Variants in MUC4 observed in about 807,000 individuals in gnomAD.
MUC4 encodes mucin-4.
MUC4 carries 202 observed loss-of-function variants against 257.9 expected under a neutral mutation model. That is an observed-to-expected ratio of 0.78 (90% CI 0.70 to 0.88). The LOEUF is 0.88. Among genes scored for constraint, MUC4 ranks in the 40% least tolerant of loss-of-function variants. MUC4 has a pLI of 0.00. For synonymous variants in MUC4, 2,351 were observed against 2,757.1 expected (o/e 0.85, Z 4.62); for missense variants, 5,976 against 6,513.7 (o/e 0.92, Z 2.84).
At chr3:195,775,993 A>G (rs368590007) in intron 3 of MUC4, among the ~76,000 whole-genome samples, 37 of 41,534 alleles carry the variant, frequency 8.9e-4, no homozygotes, top group East Asian at 4.9e-3. Context: ...TACCTTCCAC[A>G]GTCATACCTT....
At chr3:195,771,076 C>T (rs1722744296) in intron 5 of MUC4, among the ~76,000 whole-genome samples, 5 of 139,696 alleles carry the variant, frequency 3.6e-5, no homozygotes, top group East Asian at 2.4e-4. Context: ...TGGTCAGTCT[C>T]GTGGCCGGGT....
rs146924741 is a variant in MUC4, at chr3:195,750,955, C to G, written c.15805G>C (p.Glu5269Gln). 1.9e-6 allele frequency: 3 copies of G among 1,613,956 alleles called. No individual in the cohort carries two copies. The highest frequency in any genetic ancestry group is 2.7e-5 in the African/African-American group (2 of 74,902). The change falls in exon 23 of 25, where the codon GAG becomes CAG. Residue 5269 changes from glutamate to glutamine, a missense_variant. Glu to Gln is a conservative substitution (Grantham distance 29, BLOSUM62 2). This residue lies in a region of MUC4 where 310 missense variants were observed against 242.1 expected (regional missense o/e 1.28). Transcript: ENST00000463781. ...AFLYHVPRRS[E>Q]EPRNDVVFQP... ...AAGACCACGTCGTTCCTGGGCTCCT[C>G]ACTCCTCCGTGGAACGTGGTATAAG...
intron 23 of MUC4, 114 bp from the exon 24 acceptor site, chr3:195,749,178 G>C (rs1715820694): frequency 7.6e-7 from 1 of 1,307,404 alleles, no homozygotes; most frequent in African/African-American, 1.5e-5. Flanking sequence ...TTGGAGAAGT[G>C]CACAGATACA....
intron 1 of MUC4, among the ~76,000 whole-genome samples, chr3:195,796,964 C>T (rs557090554): frequency 2.0e-5 from 3 of 152,282 alleles, no homozygotes; most frequent in South Asian, 2.1e-4. Context: ...GCATCATGGC[C>T]GGGCGCGGCG....
intron 1 of MUC4, among the ~76,000 whole-genome samples, chr3:195,794,155 T>C (rs905737121): frequency 6.6e-6 from 1 of 151,352 alleles, no homozygotes; most frequent in Non-Finnish European, 1.5e-5. Context: ...AGGCAGAATG[T>C]TTAAATATTG....
intron 24 of MUC4, among the ~76,000 whole-genome samples, chr3:195,747,581 C>G (rs1715307980): frequency 6.6e-6 from 1 of 152,294 alleles, no homozygotes; most frequent in African/African-American, 2.4e-5. Context: ...AAACATGGGC[C>G]TGGGCCGGCG....
chr3:195,749,441 T>G (rs1339424571), intron 23 of MUC4, among the ~76,000 whole-genome samples: 1 of 152,168 alleles, frequency 6.6e-6, no homozygotes, highest in Non-Finnish European at 1.5e-5. Context: ...AGTGACTAGA[T>G]GTGTAATTCA....
chr3:195,762,244 C>A lies in MUC4; in HGVS notation c.14355G>T (p.Thr4785=). The A allele has an allele frequency of 3.2e-6, 5 of 1,583,202 alleles. No homozygotes were observed. The South Asian group carries it at 4.6e-5, about 15-fold the overall frequency. ...TCAGGAGGACTCCGGTGGCGTTGAA[C>A]GTCTCCTGGCCTGGAGCATCGGGAG... ...PDHEDGGGQE[T]FNATGVLLSR... Residue 4785 remains threonine (T), a synonymous_variant, in exon 14 of 25, where the codon ACG becomes ACT. Transcript: ENST00000463781.
intron 3 of MUC4, among the ~76,000 whole-genome samples, chr3:195,775,412 A>G (rs1298899224): frequency 2.6e-5 from 3 of 115,680 alleles, no homozygotes; most frequent in Non-Finnish European, 5.9e-5. Context: ...TTCCACACCC[A>G]TACCTTCCAC....
intron 1 of MUC4, among the ~76,000 whole-genome samples, chr3:195,807,706 C>T (rs1169636375): frequency 1.3e-5 from 2 of 152,184 alleles, no homozygotes; most frequent in Non-Finnish European, 2.9e-5. Context: ...AGAAGTGGCT[C>T]TGTGAGCTAC....
In MUC4 at chr3:195,810,442, G is replaced by A. The variant is rs552214141; in HGVS notation, c.82+1294C>T. 3 of 152,976 alleles carry A rather than the reference G, an allele frequency of 2.0e-5. No individual in the cohort carries two copies. Among genetic ancestry groups the A allele is most frequent in the African/African-American group, 7.2e-5 (3 of 41,622 alleles). 9.5% of individuals were successfully genotyped at this position (152,976 alleles called of 1,614,324 possible). On this transcript the variant is annotated intron_variant, in intron 1 of 24. Transcript: ENST00000463781. The surrounding 1 kb of genome is among the most constrained non-coding windows in gnomAD (Gnocchi z 4.2). Reference sequence around the variant, plus strand: ...ACACAGAATAAAACTTGGTCCTGAAGCCAGAGGGACAGCCTGGAAAGTGTG... The same window carrying A: ...ACACAGAATAAAACTTGGTCCTGAAACCAGAGGGACAGCCTGGAAAGTGTG...
chr3:195,761,967 G>A (rs1191092748), intron 14 of MUC4, 120 bp downstream of exon 14: 4 of 1,220,442 alleles, frequency 3.3e-6, no homozygotes, highest in Non-Finnish European at 4.5e-6. Flanking sequence ...TGCCCCAAGG[G>A]TTCTGCTCCA....
intron 6 of MUC4, 65 bp from the exon 7 acceptor site, chr3:195,769,217 C>T (rs951358443): frequency 1.3e-6 from 2 of 1,580,268 alleles, no homozygotes; most frequent in Non-Finnish European, 1.7e-6. Context: ...TCTCTTATGT[C>T]CCCCCGCCCG....
rs1428792079 is a variant in MUC4 at position 195,762,139 on chromosome 3, G to A, written c.14460C>T (p.His4820=). The part of the protein sequence containing the change: ...VSVIALSNIL[H]ASASLPPEYQ... ...ACTCGGGCGGGAGGCTGGCGGAGGCGTGGAGGATGTTGGAGAGCGCGATCA... is the reference window on the plus strand; with the variant it reads ...ACTCGGGCGGGAGGCTGGCGGAGGCATGGAGGATGTTGGAGAGCGCGATCA... Residue 4820 remains histidine (H), a synonymous_variant, in exon 14 of 25, where the codon CAC becomes CAT. Transcript: ENST00000463781. The A allele has an allele frequency of 6.2e-7, 1 of 1,607,586 alleles. No individual in the cohort carries two copies. The highest frequency in any genetic ancestry group is 1.7e-5 in the Admixed American group (1 of 59,712).
chr3:195,753,399 C>G, intron 19 of MUC4, 169 bp from the exon 20 acceptor site: 1 of 631,506 alleles, frequency 1.6e-6, no homozygotes, highest in Middle Eastern at 4.1e-4. Context: ...CTCTGCAGGG[C>G]AACCCCTTTC....
intron 17 of MUC4, among the ~76,000 whole-genome samples, 194 bp downstream of exon 17, chr3:195,758,930 C>T (rs898420188): frequency 2.6e-5 from 4 of 152,016 alleles, no homozygotes; most frequent in African/African-American, 7.3e-5. Flanking sequence ...GCCGTAAGCC[C>T]GTCACTACTA....
intron 1 of MUC4, among the ~76,000 whole-genome samples, chr3:195,796,778 C>T (rs1285591943): frequency 2.6e-5 from 4 of 152,174 alleles, no homozygotes; most frequent in African/African-American, 7.2e-5. Flanking sequence ...ATTCAAGGAA[C>T]AGGTAATTTC....
intron 4 of MUC4, 87 bp downstream of exon 4, chr3:195,774,085 T>C: frequency 7.0e-7 from 1 of 1,425,732 alleles, no homozygotes; most frequent in Admixed American, 2.8e-5. Context: ...CTGCTTCCAT[T>C]CCCGCTTCCT....
intron 10 of MUC4, among the ~76,000 whole-genome samples, chr3:195,764,698 C>T (rs913358007): frequency 6.6e-6 from 1 of 152,162 alleles, no homozygotes; most frequent in Non-Finnish European, 1.5e-5. Flanking sequence ...CCCAAACATC[C>T]TGCTCATCTG....
Sources: allele counts gnomAD v4.1 joint callset (sites outside exome capture counted in the v4.1 genomes callset), GRCh38; gene constraint gnomAD v4.1.1; regional missense constraint gnomAD v4.1.1; non-coding constraint Gnocchi (gnomAD v3.1); transcripts MANE v1.5; gene names NCBI Gene and HGNC (gene_info 2026-07-23, HGNC 2026-07-21).